Variants in VAV1 observed in about 807,000 individuals in gnomAD.
VAV1 encodes proto-oncogene vav.
In VAV1, 33 loss-of-function variants were observed where a neutral mutation model predicts 128.1. The observed-to-expected ratio is 0.26, with a 90% CI of 0.20 to 0.34. The LOEUF is 0.34. VAV1 is among the 10% of genes least tolerant of loss of function. The pLI, the probability that VAV1 is intolerant of heterozygous loss-of-function variation, is 1.00. For synonymous variants in VAV1, 394 were observed against 409.8 expected, an observed-to-expected ratio of 0.96 and a Z score of 0.47; for missense variants, 715 against 1,093.7, an observed-to-expected ratio of 0.65 and a Z score of 4.88.
At chr19:6,835,714 G>A (rs1972205416) in intron 19 of VAV1, 1 of 152,120 alleles carries the variant, frequency 6.6e-6, no homozygotes, top group Non-Finnish European at 1.5e-5. Flanking sequence ...GCAATAGCTT[G>A]TTCCTTTTCA....
chr19:6,844,297 C>T (rs1396253613), intron 22 of VAV1, among the ~76,000 whole-genome samples: 1 of 151,762 alleles, frequency 6.6e-6, no homozygotes, highest in Non-Finnish European at 1.5e-5. Context: ...CGGCTCACTG[C>T]AACCTCCACC....
chr19:6,850,138 T>C (rs1018578177), intron 23 of VAV1, among the ~76,000 whole-genome samples: 8 of 145,046 alleles, frequency 5.5e-5, no homozygotes, highest in Non-Finnish European at 1.2e-4. Flanking sequence ...TTCCCTTACT[T>C]TTTTTTTTTT....
intron 22 of VAV1, among the ~76,000 whole-genome samples, chr19:6,844,389 A>C (rs1028799131): frequency 2.6e-5 from 4 of 151,694 alleles, no homozygotes; most frequent in African/African-American, 9.7e-5. Context: ...CTAATTTTTT[A>C]TATTTTCAGT....
chr19:6,847,339 C>A (rs1972549672), intron 22 of VAV1, among the ~76,000 whole-genome samples: 1 of 152,022 alleles, frequency 6.6e-6, no homozygotes, highest in African/African-American at 2.4e-5. Flanking sequence ...CCCCGGGAAC[C>A]AAGGGTCTCC....
intron 1 of VAV1, among the ~76,000 whole-genome samples, chr19:6,775,210 C>A (rs1448059420): frequency 1.3e-5 from 2 of 152,192 alleles, no homozygotes; most frequent in Non-Finnish European, 2.9e-5. Context: ...GCTTAATCTT[C>A]TGGTTTCTAG....
At chr19:6,797,131 C>T (rs1247578923) in intron 1 of VAV1, among the ~76,000 whole-genome samples, 2 of 151,422 alleles carry the variant, frequency 1.3e-5, no homozygotes, top group Non-Finnish European at 2.9e-5. Flanking sequence ...GCTCAGGAGG[C>T]TGAGGCAGGA....
intron 1 of VAV1, among the ~76,000 whole-genome samples, chr19:6,818,706 T>C (rs897658040): frequency 2.0e-5 from 3 of 152,150 alleles, no homozygotes; most frequent in Non-Finnish European, 4.4e-5. Flanking sequence ...GATGTCCTTA[T>C]AAGAAGAGTA....
intron 14 of VAV1, 55 bp downstream of exon 14, chr19:6,829,973 C>G: frequency 6.2e-7 from 1 of 1,610,274 alleles, no homozygotes; most frequent in Non-Finnish European, 8.5e-7. Flanking sequence ...CAGCTTAGCC[C>G]TCTCCACTTG....
At chr19:6,823,834 C>T (rs1213527265) in intron 6 of VAV1, among the ~76,000 whole-genome samples, 1 of 152,142 alleles carries the variant, frequency 6.6e-6, no homozygotes, top group Non-Finnish European at 1.5e-5. Context: ...TTAGAATATA[C>T]AGTTCAATGG....
Position 6,822,100 on chromosome 19 carries a change from C to T in VAV1, c.450-121C>T. Reference sequence around the variant, plus strand: ...TGGAGCTTGGAGGGACATGGCCTGCCCTTGGAGTCTGAGGTCCCACCCTTG... The same window carrying T: ...TGGAGCTTGGAGGGACATGGCCTGCTCTTGGAGTCTGAGGTCCCACCCTTG... On this transcript the variant is annotated intron_variant, in intron 4 of 26. Coordinates refer to ENST00000602142, the MANE Select transcript of VAV1 (RefSeq NM_005428.4). This position sits in a 1 kb window ranked among gnomAD's most constrained non-coding sequence, Gnocchi z 5.9. The T allele has an allele frequency of 9.2e-7, 1 of 1,090,246 alleles. No homozygotes were observed. The highest frequency in any genetic ancestry group is 1.5e-5 in the South Asian group (1 of 67,820). The allele number at this position is 1,090,246 out of a possible 1,614,324, so 67.5% of individuals were successfully genotyped here. A position where few individuals can be genotyped will look rare whatever the true frequency, so the allele number is the denominator to read the frequency against.
At position 6,835,273 on chromosome 19, in the gene VAV1, A is replaced by G. The variant is rs74812414; in HGVS notation, c.1778-1159A>G. Among the ~76,000 whole-genome samples, 1,495 of 152,044 alleles carry G rather than the reference A, an allele frequency of 9.8e-3. 24 individuals carry two copies. Among genetic ancestry groups the G allele is most frequent in the African/African-American group, 0.034 (1,419 of 41,480 alleles). ...CGTATTTTATTGAGAGAGGAAATAC[A>G]TACTTTAAGGTATGTAAAAATCAAT... is the stretch of plus-strand genomic sequence containing the variant. On this transcript the variant is annotated intron_variant, in intron 19 of 26. Transcript: ENST00000602142.
intron 1 of VAV1, among the ~76,000 whole-genome samples, chr19:6,811,210 A>G (rs975534893): frequency 6.6e-6 from 1 of 152,018 alleles, no homozygotes; most frequent in Non-Finnish European, 1.5e-5. Context: ...TAATTTTTGT[A>G]TTTTTAGTAG....
chr19:6,828,015 C>T lies in VAV1; in HGVS notation c.928-61C>T, dbSNP rs1971960648. 2 of 1,450,506 alleles carry T rather than the reference C, an allele frequency of 1.4e-6. No individual in the cohort carries two copies. Among genetic ancestry groups the T allele is most frequent in the Non-Finnish European group, 1.9e-6 (2 of 1,031,572 alleles). 89.9% of individuals were successfully genotyped at this position (1,450,506 alleles called of 1,614,324 possible). A position where few individuals can be genotyped will look rare whatever the true frequency, so the allele number is the denominator to read the frequency against. ...ATTTATTCAAATCTATCTGCACCCA[C>T]CCTGCAACTGGCTGTTTCTGGGACC... On this transcript the variant is annotated intron_variant, in intron 9 of 26. Transcript: ENST00000602142. The surrounding 1 kb of genome is among the most constrained non-coding windows in gnomAD (Gnocchi z 4.5).
intron 22 of VAV1, among the ~76,000 whole-genome samples, chr19:6,845,603 CTAT>C (rs1972501471): frequency 6.6e-6 from 1 of 150,612 alleles, no homozygotes; most frequent in Admixed American, 6.6e-5. Context: ...TGTTTACAAC[CTAT>C]TATATATTAT....
Position 6,834,601 on chromosome 19 carries a change from T to G in VAV1, c.1777+648T>G, listed in dbSNP as rs1020659536. 2.0e-5 allele frequency among the ~76,000 whole-genome samples: 3 copies of G among 146,472 alleles called. No homozygotes were observed. In the Admixed American group the frequency reaches 2.1e-4, roughly 10 times the overall value. ...TATTAAATATATAATAATTTATTAT[T>G]TAATAATATATTAATATTAATTAAT... On this transcript the variant is annotated intron_variant, in intron 19 of 26. Coordinates refer to ENST00000602142, the MANE Select transcript of VAV1 (RefSeq NM_005428.4).
intron 1 of VAV1, among the ~76,000 whole-genome samples, chr19:6,782,059 C>T (rs1174433720): frequency 1.3e-5 from 2 of 152,130 alleles, no homozygotes; most frequent in Non-Finnish European, 2.9e-5. Flanking sequence ...TGGCCGTGCA[C>T]ATGGCTCACT....
intron 22 of VAV1, among the ~76,000 whole-genome samples, chr19:6,847,280 A>AC (rs1972547840): frequency 6.6e-6 from 1 of 151,110 alleles, no homozygotes; most frequent in Non-Finnish European, 1.5e-5. Context: ...CATTCTCAGC[A>AC]CCCCCAAGAG....
intron 1 of VAV1, among the ~76,000 whole-genome samples, chr19:6,776,686 AC>A (rs1346898968): frequency 1.3e-5 from 2 of 149,226 alleles, no homozygotes; most frequent in African/African-American, 5.0e-5. Context: ...CCACCCATCC[AC>A]CCACCCACCC....
chr19:6,789,697 G>A lies in VAV1; in HGVS notation c.204+16686G>A, dbSNP rs546209856. Among the ~76,000 whole-genome samples, 3 of 151,858 alleles carry A rather than the reference G, an allele frequency of 2.0e-5. No homozygotes were observed. In the East Asian group the frequency reaches 5.8e-4, roughly 29 times the overall value. The stretch of plus-strand genomic sequence containing the variant: ...ACTGCAACCTCCGCATCATGGGTTC[G>A]AGTGATTCTCCTGCCTTGGCCTCCA... On this transcript the variant is annotated intron_variant, in intron 1 of 26. Coordinates refer to ENST00000602142, the MANE Select transcript of VAV1 (RefSeq NM_005428.4).
Sources: gnomAD v4.1 joint callset for allele counts (sites outside exome capture counted in the v4.1 genomes callset) on GRCh38, gnomAD v4.1.1 for gene constraint, Gnocchi (gnomAD v3.1) non-coding constraint, MANE v1.5 for transcripts, NCBI Gene and HGNC (gene_info 2026-07-23, HGNC 2026-07-21) for gene names.